The following IQCE variants were observed in gnomAD, a reference collection of about 807,000 sequenced individuals.
IQCE encodes IQ domain-containing protein E.
In IQCE, 115 loss-of-function variants were observed where a neutral mutation model predicts 96.0. That is an observed-to-expected ratio of 1.20 (90% CI 1.03 to 1.40). The LOEUF (loss-of-function observed/expected upper bound fraction) is 1.40. Ranked by LOEUF, IQCE falls within the 40% of genes most tolerant of loss-of-function variation. The probability of loss-of-function intolerance (pLI) is 0.00; values close to 1 mark genes in which losing one functional copy is unlikely to be tolerated. For missense variants in IQCE, 1,041 were observed against 909.1 expected (o/e 1.15, Z -1.87); for synonymous variants, 412 against 371.2 (o/e 1.11, Z -1.26).
rs748365290 is a variant in IQCE, at chr7:2,594,906, C to G, written c.1370C>G (p.Thr457Ser). 29 of 1,611,524 alleles carry G rather than the reference C, an allele frequency of 1.8e-5. 1 individual carries two copies. In the East Asian group the frequency reaches 2.2e-4, roughly 12 times the overall value. ...EVLREEIQTL[T>S]SKLQELQEMK... is the part of the protein sequence containing the mutation. ...CTTAGAGAGGAGATTCAGACACTTA[C>G]CAGCAAGCTCCAAGAATTGCAAGAA... The change falls in exon 16 of 22, where the codon ACC becomes AGC. Residue 457 changes from threonine (T) to serine (S), a missense_variant. Transcript: ENST00000402050.
rs767803756 is a variant in IQCE, at chr7:2,573,432, A to ACTC, written c.412_414dup (p.Pro138dup). On this transcript the variant is annotated inframe_insertion, in exon 6 of 22. Transcript: ENST00000402050. ...TGTTTCTCTAGGTCATGTCCCTGGG[A>ACTC]CTCCTGTCTACAGAGAAAAAGAAGA... 84 of 1,500,886 alleles carry ACTC rather than the reference A, an allele frequency of 5.6e-5. No homozygotes were observed. The highest frequency in any genetic ancestry group is 2.2e-5 in the Non-Finnish European group (24 of 1,077,846). 93.0% of individuals were successfully genotyped at this position (1,500,886 alleles called of 1,614,324 possible).
At chr7:2,597,716 C>T (rs547627076) in intron 16 of IQCE, among the ~76,000 whole-genome samples, 2 of 152,304 alleles carry the variant, frequency 1.3e-5, no homozygotes, top group Middle Eastern at 3.4e-3. Flanking sequence ...TGCCCAGGCT[C>T]GACTACAGCG....
rs760153470 is a variant in IQCE at position 2,605,032 on chromosome 7, A to C, written c.1743+41A>C. ...TGGACGTCCCAGTGGCCATCTGCAG[A>C]GCTGCTCGTCTCGCACTCCATCCAT... On this transcript the variant is annotated intron_variant, in intron 19 of 21. Transcript: ENST00000402050. 8 of 1,396,750 alleles carry C rather than the reference A, an allele frequency of 5.7e-6. No homozygotes were observed. In the Admixed American group the frequency reaches 1.4e-4, roughly 24 times the overall value. The allele number at this position is 1,396,750 out of a possible 1,614,324, so 86.5% of individuals were successfully genotyped here. A position where few individuals can be genotyped will look rare whatever the true frequency, so the allele number is the denominator to read the frequency against.
At chr7:2,562,632 T>C (rs1418979421) in intron 1 of IQCE, among the ~76,000 whole-genome samples, 2 of 151,524 alleles carry the variant, frequency 1.3e-5, no homozygotes, top group Admixed American at 6.6e-5. Context: ...TAATTTCGTG[T>C]CTCTGGGTTT....
intron 1 of IQCE, 101 bp from the exon 2 acceptor site, chr7:2,567,015 G>C: frequency 1.1e-6 from 1 of 950,154 alleles, no homozygotes; most frequent in South Asian, 1.4e-5. Context: ...TGGAGTTTCT[G>C]TTTCAGCAGC....
intron 6 of IQCE, among the ~76,000 whole-genome samples, chr7:2,576,873 A>C (rs560415040): frequency 6.6e-6 from 1 of 152,282 alleles, no homozygotes; most frequent in East Asian, 1.9e-4. Flanking sequence ...AACAAAACGG[A>C]CTTTCTTGTG....
At chr7:2,603,481 CT>C (rs1784576869) in intron 18 of IQCE, among the ~76,000 whole-genome samples, 2 of 151,010 alleles carry the variant, frequency 1.3e-5, no homozygotes, top group African/African-American at 2.4e-5. Context: ...GCTTCTCTCC[CT>C]GGCGCCCCCC....
In IQCE at chr7:2,610,244, TAGG is replaced by T. The variant is rs1361481385; in HGVS notation, c.*85_*87del. 2 of 868,036 alleles carry T rather than the reference TAGG, an allele frequency of 2.3e-6. No homozygotes were observed. Among genetic ancestry groups the T allele is most frequent in the Non-Finnish European group, 3.9e-6 (2 of 506,582 alleles). The allele number at this position is 868,036 out of a possible 1,614,324, so 53.8% of individuals were successfully genotyped here. A position where few individuals can be genotyped will look rare whatever the true frequency, so the allele number is the denominator to read the frequency against. On this transcript the variant is annotated 3_prime_UTR_variant, in exon 22 of 22. Coordinates refer to ENST00000402050, the MANE Select transcript of IQCE (RefSeq NM_152558.5). The stretch of plus-strand genomic sequence containing the variant: ...CGACTGGAAAGATAATTTATCGTGT[TAGG>T]AGAAGAACGATGATACCTACTTAAC...
At chr7:2,606,558 C>A (rs984848055) in intron 20 of IQCE, among the ~76,000 whole-genome samples, 1 of 152,180 alleles carries the variant, frequency 6.6e-6, no homozygotes, top group Non-Finnish European at 1.5e-5. Context: ...GTCTGCTTCA[C>A]CCCGCATGGG....
chr7:2,609,715 C>T (rs1053145174), intron 21 of IQCE, among the ~76,000 whole-genome samples: 2 of 144,942 alleles, frequency 1.4e-5, no homozygotes, highest in African/African-American at 2.6e-5. Flanking sequence ...TAAGTTGGTC[C>T]TGAGGCTGGA....
At chr7:2,565,149 TGTGTGC>T (rs1229347468) in intron 1 of IQCE, among the ~76,000 whole-genome samples, 1 of 151,224 alleles carries the variant, frequency 6.6e-6, no homozygotes, top group Non-Finnish European at 1.5e-5. Context: ...TGTGTGTGTG[TGTGTGC>T]TGTGTATGGT....
chr7:2,585,701 G>A (rs898231933), intron 11 of IQCE, among the ~76,000 whole-genome samples: 3 of 152,232 alleles, frequency 2.0e-5, no homozygotes, highest in Admixed American at 1.3e-4. Flanking sequence ...GAACGTGCGC[G>A]CCAGCGACTG....
intron 3 of IQCE, among the ~76,000 whole-genome samples, chr7:2,569,803 A>T (rs1583400891): frequency 6.6e-6 from 1 of 152,372 alleles, no homozygotes; most frequent in East Asian, 1.9e-4. Flanking sequence ...GAGAATATAA[A>T]CAAACTTTGC....
intron 18 of IQCE, 93 bp downstream of exon 18, chr7:2,601,557 C>T (rs776508882): frequency 3.0e-5 from 28 of 945,616 alleles, no homozygotes; most frequent in Non-Finnish European, 4.4e-5. Flanking sequence ...GATTCCTTTT[C>T]TTTTTTTTTC....
At chr7:2,594,131 G>C (rs531701423) in intron 15 of IQCE, among the ~76,000 whole-genome samples, 1 of 152,264 alleles carries the variant, frequency 6.6e-6, no homozygotes. Context: ...ACAGTGACAG[G>C]TGCCTGTAAT....
chr7:2,566,063 G>A (rs1781348797), intron 1 of IQCE, among the ~76,000 whole-genome samples: 1 of 152,150 alleles, frequency 6.6e-6, no homozygotes, highest in South Asian at 2.1e-4. Flanking sequence ...TTATGATACT[G>A]CGTGGACTCA....
chr7:2,600,248 CT>C (rs952474301), intron 17 of IQCE, among the ~76,000 whole-genome samples: 1 of 152,190 alleles, frequency 6.6e-6, no homozygotes, highest in Non-Finnish European at 1.5e-5. Flanking sequence ...GTCTCCAGCT[CT>C]GATTCACCCG....
At position 2,588,957 on chromosome 7, in the gene IQCE, G is replaced by A. The variant is rs141724887; in HGVS notation, c.1045-950G>A. 2.0e-4 allele frequency among the ~76,000 whole-genome samples: 30 copies of A among 152,172 alleles called. 1 individual carries two copies. Among genetic ancestry groups the A allele is most frequent in the African/African-American group, 6.7e-4 (28 of 41,518 alleles). On this transcript the variant is annotated intron_variant, in intron 13 of 21. Transcript: ENST00000402050. ...TGGGATTACAGTCGTGAGCCACCGC[G>A]CCTGGCCTGGACCTTTGTATTTTAA...
At chr7:2,559,725 C>G (rs1241006122) in intron 1 of IQCE, among the ~76,000 whole-genome samples, 1 of 116,342 alleles carries the variant, frequency 8.6e-6, no homozygotes. Context: ...CGGTAAATAT[C>G]TACTGTGTGT....
Sources: allele counts gnomAD v4.1 joint callset (sites outside exome capture counted in the v4.1 genomes callset), GRCh38; gene constraint gnomAD v4.1.1; transcripts MANE v1.5; gene names NCBI Gene and HGNC (gene_info 2026-07-23, HGNC 2026-07-21).